OR5J2: variants seen among roughly 807,000 people sequenced by gnomAD.
OR5J2 encodes olfactory receptor family 5 subfamily J member 2, also known as olfactory receptor 5J2.
A neutral mutation model predicts 6.7 loss-of-function variants in OR5J2; 4 were observed. The ratio of observed to expected loss-of-function variants is 0.60; its 90% confidence interval spans 0.29 to 1.37. The LOEUF (loss-of-function observed/expected upper bound fraction) is 1.37. OR5J2 is among the 40% of genes most tolerant of loss of function. OR5J2 has a pLI of 0.09. For missense variants in OR5J2, 415 were observed against 366.4 expected, an observed-to-expected ratio of 1.13 and a Z score of -1.08; for synonymous variants, 174 against 140.4, an observed-to-expected ratio of 1.24 and a Z score of -1.69.
rs140451661 is a variant in OR5J2 at position 56,176,799 on chromosome 11, T to A, written c.182T>A (p.Phe61Tyr). The change falls in exon 1 of 1, where the codon TTT becomes TAT. Residue 61 changes from phenylalanine to tyrosine, a missense_variant. Physicochemically the swap from Phe to Tyr is conservative, Grantham distance 22. Transcript: ENST00000312298. ...ITSKLHTPMY[F>Y]LLSCLSFVDA... ...TCCAAACTCCACACACCCATGTACTTTTTACTCAGCTGTCTTTCATTTGTG... is the reference window on the plus strand; with the variant it reads ...TCCAAACTCCACACACCCATGTACTATTTACTCAGCTGTCTTTCATTTGTG... 507 of 1,614,076 alleles carry A rather than the reference T, an allele frequency of 3.1e-4. No homozygotes were observed. The highest frequency in any genetic ancestry group is 3.9e-4 in the Non-Finnish European group (458 of 1,179,980).
Position 56,177,267 on chromosome 11 carries a change from C to T in OR5J2, c.650C>T (p.Ser217Phe), listed in dbSNP as rs1364673970. ...GCCACCTTCTTGACTGTGATCATTT[C>T]CTACATCTTCATTGCTTTTGCTAGC... is the stretch of plus-strand genomic sequence containing the variant. ...AMATFLTVII[S>F]YIFIAFASLR... The change falls in exon 1 of 1, where the codon TCC (serine) becomes TTC (phenylalanine). Residue 217 changes from serine to phenylalanine, a missense_variant. Transcript: ENST00000312298. 6.2e-6 allele frequency: 10 copies of T among 1,614,082 alleles called. No homozygotes were observed. The highest frequency in any genetic ancestry group is 8.5e-6 in the Non-Finnish European group (10 of 1,180,002).
chr11:56,177,457 A>G lies in OR5J2; in HGVS notation c.840A>G (p.Leu280=). The G allele has an allele frequency of 6.2e-7, 1 of 1,613,672 alleles. No homozygotes were observed. The highest frequency in any genetic ancestry group is 8.5e-7 in the Non-Finnish European group (1 of 1,179,786). ...AAGTGGTTTCTATGTTCTATACGCTAGGGATTCCCATGTTAAACCTGTTGA... is the reference window on the plus strand; with the variant it reads ...AAGTGGTTTCTATGTTCTATACGCTGGGGATTCCCATGTTAAACCTGTTGA... The part of the protein sequence containing the change: ...QEKVVSMFYT[L]GIPMLNLLIH... Residue 280 remains leucine, a synonymous_variant, in exon 1 of 1, where the codon CTA becomes CTG. Coordinates refer to ENST00000312298, the MANE Select transcript of OR5J2 (RefSeq NM_001005492.1).
In OR5J2 at chr11:56,176,710, C is replaced by T. The variant is rs531423583; in HGVS notation, c.93C>T (p.Phe31=). The change falls in exon 1 of 1, where the codon TTC becomes TTT. Residue 31 remains phenylalanine, a synonymous_variant. Transcript: ENST00000312298. Reference sequence around the variant, plus strand: ...TAAAAGCTGTGCTTTTTGTGGTGTTCCTGGTGATTTACGCCATTACCTTGT... The same window carrying T: ...TAAAAGCTGTGCTTTTTGTGGTGTTTCTGGTGATTTACGCCATTACCTTGT... The part of the protein sequence containing the change: ...AELKAVLFVV[F]LVIYAITLLR... The T allele has an allele frequency of 6.2e-7, 1 of 1,613,734 alleles. No individual in the cohort carries two copies. The highest frequency in any genetic ancestry group is 8.5e-7 in the Non-Finnish European group (1 of 1,179,830).
chr11:56,176,627 G>T lies in OR5J2; in HGVS notation c.10G>T (p.Asp4Tyr). 2 of 1,596,458 alleles carry T rather than the reference G, an allele frequency of 1.3e-6. No homozygotes were observed. The highest frequency in any genetic ancestry group is 2.2e-5 in the South Asian group (2 of 89,528). MAD[D>Y]NFTVVTEFIL... ...AAAAAGAAAGAAACATATGGCTGAT[G>T]ATAATTTTACAGTTGTCACTGAGTT... Residue 4 changes from aspartate (D) to tyrosine (Y), a missense_variant, in exon 1 of 1, where the codon GAT (aspartate) becomes TAT (tyrosine). By Grantham distance (160) the Asp-to-Tyr change is radical (BLOSUM62 -3). Coordinates refer to ENST00000312298, the MANE Select transcript of OR5J2 (RefSeq NM_001005492.1).
chr11:56,176,842 T>C lies in OR5J2; in HGVS notation c.225T>C (p.Ser75=). 1 of 1,614,016 alleles carries C rather than the reference T, an allele frequency of 6.2e-7. No homozygotes were observed. The highest frequency in any genetic ancestry group is 8.5e-7 in the Non-Finnish European group (1 of 1,179,866). The change falls in exon 1 of 1, where the codon TCT becomes TCC. Residue 75 remains serine (S), a synonymous_variant. Coordinates refer to ENST00000312298, the MANE Select transcript of OR5J2 (RefSeq NM_001005492.1). ...CATTTGTGGATGCCTGCTATTCATC[T>C]GCAATTGCACCCAAAATGCTGGTGA... The part of the protein sequence containing the change: ...CLSFVDACYS[S]AIAPKMLVNL...
rs747566544 is a variant in OR5J2 at position 56,177,070 on chromosome 11, T to G, written c.453T>G (p.Gly151=). ...CVELVTGSWI[G]GIVNTLIHTI... is the part of the protein sequence containing the mutation. The stretch of plus-strand genomic sequence containing the variant: ...AGCTTGTCACAGGATCATGGATAGG[T>G]GGAATAGTTAACACATTAATCCACA... Residue 151 remains glycine (G), a synonymous_variant, in exon 1 of 1, where the codon GGT becomes GGG. Coordinates refer to ENST00000312298, the MANE Select transcript of OR5J2 (RefSeq NM_001005492.1). 1 of 1,614,004 alleles carries G rather than the reference T, an allele frequency of 6.2e-7. No homozygotes were observed. Among genetic ancestry groups the G allele is most frequent in the Admixed American group, 1.7e-5 (1 of 59,988 alleles).
Position 56,176,976 on chromosome 11 carries a change from A to G in OR5J2, c.359A>G (p.Tyr120Cys). Residue 120 changes from tyrosine to cysteine, a missense_variant, in exon 1 of 1, where the codon TAT becomes TGT. By Grantham distance (194) the Tyr-to-Cys change is radical. Transcript: ENST00000312298. ...GGCTTCTTACTGTCAGTGATGGCCT[A>G]TGACCGCTATGTGGCCATTGTGAGT... The part of the protein sequence containing the change: ...TEGFLLSVMA[Y>C]DRYVAIVSPL... 1.2e-6 allele frequency: 2 copies of G among 1,613,944 alleles called. No homozygotes were observed. Among genetic ancestry groups the G allele is most frequent in the Non-Finnish European group, 1.7e-6 (2 of 1,179,842 alleles).
chr11:56,177,144 ACTT>A lies in OR5J2; in HGVS notation c.533_535del (p.Phe178del), dbSNP rs773308507. ...TTTTGTAGGCTAAATGCTGTCAGCCACTTCTTCTGTGACATTCCTTCACTGCTA... is the reference window on the plus strand; with the variant it reads ...TTTTGTAGGCTAAATGCTGTCAGCCACTTCTGTGACATTCCTTCACTGCTA... On this transcript the variant is annotated inframe_deletion, in exon 1 of 1. Transcript: ENST00000312298. 8.7e-6 allele frequency: 14 copies of A among 1,614,056 alleles called. No individual in the cohort carries two copies. Among genetic ancestry groups the A allele is most frequent in the Admixed American group, 3.3e-5 (2 of 60,002 alleles).
Position 56,177,079 on chromosome 11 carries a change from T to G in OR5J2, c.462T>G (p.Val154=), listed in dbSNP as rs762080941. ...LVTGSWIGGI[V]NTLIHTISLR... ...CAGGATCATGGATAGGTGGAATAGT[T>G]AACACATTAATCCACACAATCAGCT... is the stretch of plus-strand genomic sequence containing the variant. Residue 154 remains valine (V), a synonymous_variant, in exon 1 of 1, where the codon GTT becomes GTG. Coordinates refer to ENST00000312298, the MANE Select transcript of OR5J2 (RefSeq NM_001005492.1). 1.9e-6 allele frequency: 3 copies of G among 1,613,800 alleles called. No individual in the cohort carries two copies. The highest frequency in any genetic ancestry group is 1.7e-6 in the Non-Finnish European group (2 of 1,179,728).
At position 56,176,763 on chromosome 11, in the gene OR5J2, T is replaced by C. The variant is rs1435249518; in HGVS notation, c.146T>C (p.Ile49Thr). Residue 49 changes from isoleucine (I) to threonine (T), a missense_variant, in exon 1 of 1, where the codon ATC (isoleucine) becomes ACC (threonine). Coordinates refer to ENST00000312298, the MANE Select transcript of OR5J2 (RefSeq NM_001005492.1). Reference protein sequence around the residue: ...LLRNLGMILLIQITSKLHTPM... With the variant: ...LLRNLGMILLTQITSKLHTPM... Reference sequence around the variant, plus strand: ...AGGAATCTGGGCATGATCCTCTTAATCCAAATCACCTCCAAACTCCACACA... The same window carrying C: ...AGGAATCTGGGCATGATCCTCTTAACCCAAATCACCTCCAAACTCCACACA... 19 of 1,613,974 alleles carry C rather than the reference T, an allele frequency of 1.2e-5. No homozygotes were observed. The highest frequency in any genetic ancestry group is 1.5e-5 in the Non-Finnish European group (18 of 1,179,984).
In OR5J2 at chr11:56,176,865, T is replaced by A. The variant is rs183660874; in HGVS notation, c.248T>A (p.Val83Glu). 6 of 1,614,148 alleles carry A rather than the reference T, an allele frequency of 3.7e-6. No individual in the cohort carries two copies. The African/African-American group carries it at 8.0e-5, about 22-fold the overall frequency. The change falls in exon 1 of 1, where the codon GTG (valine) becomes GAG (glutamate). Residue 83 changes from valine (V) to glutamate (E), a missense_variant. Val to Glu is a moderately radical substitution (Grantham distance 121). Coordinates refer to ENST00000312298, the MANE Select transcript of OR5J2 (RefSeq NM_001005492.1). Reference sequence around the variant, plus strand: ...TCTGCAATTGCACCCAAAATGCTGGTGAACCTCCTGGTTGTGAAGGCAACA... The same window carrying A: ...TCTGCAATTGCACCCAAAATGCTGGAGAACCTCCTGGTTGTGAAGGCAACA... ...YSSAIAPKML[V>E]NLLVVKATIS...
rs1182709795 is a variant in OR5J2 at position 56,176,985 on chromosome 11, A to C, written c.368A>C (p.Tyr123Ser). The change falls in exon 1 of 1, where the codon TAT becomes TCT. Residue 123 changes from tyrosine (Y) to serine (S), a missense_variant. Transcript: ENST00000312298. Reference sequence around the variant, plus strand: ...CTGTCAGTGATGGCCTATGACCGCTATGTGGCCATTGTGAGTCCCTTGCTT... The same window carrying C: ...CTGTCAGTGATGGCCTATGACCGCTCTGTGGCCATTGTGAGTCCCTTGCTT... ...FLLSVMAYDR[Y>S]VAIVSPLLYT... 3 of 1,613,940 alleles carry C rather than the reference A, an allele frequency of 1.9e-6. No individual in the cohort carries two copies. Among genetic ancestry groups the C allele is most frequent in the East Asian group, 4.5e-5 (2 of 44,880 alleles).
At position 56,176,637 on chromosome 11, in the gene OR5J2, C is replaced by T; in HGVS notation, c.20C>T (p.Thr7Ile). The T allele has an allele frequency of 6.2e-7, 1 of 1,602,876 alleles. No homozygotes were observed. Among genetic ancestry groups the T allele is most frequent in the Non-Finnish European group, 8.5e-7 (1 of 1,173,068 alleles). The change falls in exon 1 of 1, where the codon ACA (threonine) becomes ATA (isoleucine). Residue 7 changes from threonine to isoleucine, a missense_variant. By Grantham distance (89) the Thr-to-Ile change is moderately conservative. Coordinates refer to ENST00000312298, the MANE Select transcript of OR5J2 (RefSeq NM_001005492.1). Reference sequence around the variant, plus strand: ...AAACATATGGCTGATGATAATTTTACAGTTGTCACTGAGTTTATTCTTTTG... The same window carrying T: ...AAACATATGGCTGATGATAATTTTATAGTTGTCACTGAGTTTATTCTTTTG... MADDNF[T>I]VVTEFILLGL... is the part of the protein sequence containing the mutation.
In OR5J2 at chr11:56,177,213, T is replaced by C. The variant is rs552271667; in HGVS notation, c.596T>C (p.Leu199Pro). The change falls in exon 1 of 1, where the codon CTG (leucine) becomes CCG (proline). Residue 199 changes from leucine (L) to proline (P), a missense_variant. Transcript: ENST00000312298. ...GACACCTCCATGAATGAGTTGTTGCTGTTAACCTTCTCCGGAGTCATTGCC... is the reference window on the plus strand; with the variant it reads ...GACACCTCCATGAATGAGTTGTTGCCGTTAACCTTCTCCGGAGTCATTGCC... ...CSDTSMNELL[L>P]LTFSGVIAMA... 43 of 1,614,070 alleles carry C rather than the reference T, an allele frequency of 2.7e-5. 1 individual carries two copies. In the South Asian group the frequency reaches 4.3e-4, roughly 16 times the overall value.
In OR5J2 at chr11:56,176,960, C is replaced by T; in HGVS notation, c.343C>T (p.Leu115=). 1 of 1,614,018 alleles carries T rather than the reference C, an allele frequency of 6.2e-7. No individual in the cohort carries two copies. The highest frequency in any genetic ancestry group is 8.5e-7 in the Non-Finnish European group (1 of 1,179,902). The part of the protein sequence containing the change: ...GVFITTEGFL[L]SVMAYDRYVA... ...GTTCATCACCACAGAAGGCTTCTTACTGTCAGTGATGGCCTATGACCGCTA... is the reference window on the plus strand; with the variant it reads ...GTTCATCACCACAGAAGGCTTCTTATTGTCAGTGATGGCCTATGACCGCTA... The change falls in exon 1 of 1, where the codon CTG becomes TTG. Residue 115 remains leucine (L), a synonymous_variant. Transcript: ENST00000312298.
At position 56,176,946 on chromosome 11, in the gene OR5J2, CAGA is replaced by C; in HGVS notation, c.332_334del (p.Glu111del). ...TTGTGTTTCGGAGTGTTCATCACCA[CAGA>C]AGGCTTCTTACTGTCAGTGATGGCC... On this transcript the variant is annotated inframe_deletion, in exon 1 of 1. Transcript: ENST00000312298. 6.2e-7 allele frequency: 1 copy of C among 1,614,094 alleles called. No homozygotes were observed.
rs558712266 is a variant in OR5J2 at position 56,177,508 on chromosome 11, A to G, written c.891A>G (p.Val297=). The G allele has an allele frequency of 2.2e-5, 36 of 1,609,382 alleles. No homozygotes were observed. The East Asian group carries it at 5.3e-4, about 24-fold the overall frequency. The change falls in exon 1 of 1, where the codon GTA becomes GTG. Residue 297 remains valine, a synonymous_variant. Transcript: ENST00000312298. ...TACACAGTTTGAGAAACAAGGACGT[A>G]AAGGAGGCAGTGAAAAGGGCCATAG... ...LLIHSLRNKD[V]KEAVKRAIEM...
chr11:56,177,046 G>T lies in OR5J2; in HGVS notation c.429G>T (p.Glu143Asp). The T allele has an allele frequency of 6.2e-7, 1 of 1,614,014 alleles. No individual in the cohort carries two copies. Among genetic ancestry groups the T allele is most frequent in the Non-Finnish European group, 8.5e-7 (1 of 1,179,956 alleles). Residue 143 changes from glutamate to aspartate, a missense_variant, in exon 1 of 1, where the codon GAG becomes GAT. Physicochemically the swap from Glu to Asp is conservative, Grantham distance 45. Transcript: ENST00000312298. ...TVAMSDRKCV[E>D]LVTGSWIGGI... ...CCATGTCTGATAGAAAGTGTGTGGA[G>T]CTTGTCACAGGATCATGGATAGGTG...
Position 56,176,622 on chromosome 11 carries a change from CTGA to C in OR5J2, c.10_12del (p.Asp4del). 3 of 1,592,012 alleles carry C rather than the reference CTGA, an allele frequency of 1.9e-6. No individual in the cohort carries two copies. Among genetic ancestry groups the C allele is most frequent in the Non-Finnish European group, 2.6e-6 (3 of 1,166,426 alleles). ...TTGTGAAAAAGAAAGAAACATATGG[CTGA>C]TGATAATTTTACAGTTGTCACTGAG... is the stretch of plus-strand genomic sequence containing the variant. On this transcript the variant is annotated inframe_deletion, in exon 1 of 1. Coordinates refer to ENST00000312298, the MANE Select transcript of OR5J2 (RefSeq NM_001005492.1).
Sources: allele counts gnomAD v4.1 joint callset, GRCh38; gene constraint gnomAD v4.1.1; transcripts MANE v1.5; gene names NCBI Gene and HGNC (gene_info 2026-07-23, HGNC 2026-07-21).